Variants in PRKAG2 observed in about 807,000 individuals in gnomAD.
The protein encoded by PRKAG2 is 5'-AMP-activated protein kinase subunit gamma-2.
A neutral mutation model predicts 69.6 loss-of-function variants in PRKAG2; 26 were observed. The observed-to-expected ratio is 0.37, with a 90% CI of 0.27 to 0.52. The LOEUF is 0.52. Among genes scored for constraint, PRKAG2 ranks in the 20% least tolerant of loss-of-function variants. The pLI is 0.90. For synonymous variants in PRKAG2, 293 were observed against 285.0 expected, an observed-to-expected ratio of 1.03 and a Z score of -0.28; for missense variants, 557 against 740.0, an observed-to-expected ratio of 0.75 and a Z score of 2.87.
intron 3 of PRKAG2, among the ~76,000 whole-genome samples, chr7:151,744,997 T>C (rs1197509512): frequency 1.3e-5 from 2 of 152,148 alleles, no homozygotes; most frequent in Non-Finnish European, 2.9e-5. Context: ...AGGTGCTCAG[T>C]GATTTGCCCA....
At chr7:151,675,212 C>T in intron 4 of PRKAG2, 1 of 623,428 alleles carries the variant, frequency 1.6e-6, no homozygotes, top group South Asian at 1.7e-5. Context: ...TGAGCCACCG[C>T]ACCCAGCTAT....
chr7:151,773,092 A>AG (rs1450372781), intron 3 of PRKAG2, among the ~76,000 whole-genome samples: 57 of 36,248 alleles, frequency 1.6e-3, no homozygotes, highest in African/African-American at 7.4e-3. Flanking sequence ...GGAGGGAGGG[A>AG]GGGAAGGGAA....
Position 151,781,253 on chromosome 7 carries a change from C to T in PRKAG2, c.365G>A (p.Ser122Asn), listed in dbSNP as rs771861941. ...GGAGGAGCGGAAGATCCCACTGAAG[C>T]TCATGCGTCGAGGGGAGCGTGGCGG... ...ESPPRSPRRM[S>N]FSGIFRSSSK... The change falls in exon 3 of 16, where the codon AGC becomes AAC. Residue 122 changes from serine to asparagine, a missense_variant. Ser to Asn is a conservative substitution (Grantham distance 46, BLOSUM62 1). This residue lies in a region of PRKAG2 where 352 missense variants were observed against 356.7 expected (regional missense o/e 0.99). Transcript: ENST00000287878. The surrounding 1 kb of genome is among the most constrained non-coding windows in gnomAD (Gnocchi z 6.1). 6.2e-7 allele frequency: 1 copy of T among 1,614,080 alleles called. No homozygotes were observed. Among genetic ancestry groups the T allele is most frequent in the South Asian group, 1.1e-5 (1 of 91,086 alleles).
chr7:151,632,115 TCC>T lies in PRKAG2; in HGVS notation c.706_707del (p.Gly236ThrfsTer36). The T allele has an allele frequency of 7.1e-7, 1 of 1,409,044 alleles. No individual in the cohort carries two copies. Among genetic ancestry groups the T allele is most frequent in the Non-Finnish European group, 9.4e-7 (1 of 1,067,598 alleles). The allele number at this position is 1,409,044 out of a possible 1,614,324, so 87.3% of individuals were successfully genotyped here. Reference protein sequence around the residue: ...SKAAALAAALGPAEAGMLEKL... With the variant: ...SKAAALAAALXPAEAGMLEKL... ...TCTCCAGCATGCCGGCTTCCGCGGG[TCC>T]CAGGGCCGCCGCCAGCGCCGCCTGA... On this transcript the variant is annotated frameshift_variant, in exon 5 of 16. Coordinates refer to ENST00000287878, the MANE Select transcript of PRKAG2 (RefSeq NM_016203.4). LOFTEE classifies it high-confidence loss of function. The surrounding 1 kb of genome is among the most constrained non-coding windows in gnomAD (Gnocchi z 4.2).
chr7:151,632,223 G>A lies in PRKAG2; in HGVS notation c.685-85C>T. On this transcript the variant is annotated intron_variant, in intron 4 of 15. Transcript: ENST00000287878. The surrounding 1 kb of genome is among the most constrained non-coding windows in gnomAD (Gnocchi z 4.2). ...GGGCTCGCGGCCGGCCGAGCGCTGGGGCCTGGCTCTGCCGCGCCGCCGGGA... is the reference window on the plus strand; with the variant it reads ...GGGCTCGCGGCCGGCCGAGCGCTGGAGCCTGGCTCTGCCGCGCCGCCGGGA... 9.0e-7 allele frequency: 1 copy of A among 1,114,024 alleles called. No individual in the cohort carries two copies. Among genetic ancestry groups the A allele is most frequent in the Non-Finnish European group, 1.1e-6 (1 of 912,866 alleles). The allele number at this position is 1,114,024 out of a possible 1,614,324, so 69.0% of individuals were successfully genotyped here.
intron 11 of PRKAG2, 76 bp downstream of exon 11, chr7:151,568,640 G>A (rs1806830639): frequency 6.6e-7 from 1 of 1,526,336 alleles, no homozygotes; most frequent in Non-Finnish European, 9.0e-7. Flanking sequence ...GAGGGTAACA[G>A]GAGCCAATTT....
At chr7:151,747,634 C>T (rs2074375622) in intron 3 of PRKAG2, among the ~76,000 whole-genome samples, 1 of 152,174 alleles carries the variant, frequency 6.6e-6, no homozygotes, top group Non-Finnish European at 1.5e-5. Context: ...AAGATGTATG[C>T]TCTGGTACTC....
In PRKAG2 at chr7:151,870,633, G is replaced by A. The variant is rs565324616; in HGVS notation, c.114+5874C>T. On this transcript the variant is annotated intron_variant, in intron 1 of 15. Transcript: ENST00000287878. ...TGTCACGGTTCGATCCTCCAGCCCC[G>A]GGGCAGGACGGGGCTCCCCTTCCCA... is the stretch of plus-strand genomic sequence containing the variant. 1.2e-4 allele frequency among the ~76,000 whole-genome samples: 18 copies of A among 152,264 alleles called. No individual in the cohort carries two copies. In the East Asian group the frequency reaches 1.9e-3, roughly 16 times the overall value.
intron 3 of PRKAG2, among the ~76,000 whole-genome samples, chr7:151,722,244 C>G (rs1349512906): frequency 6.6e-6 from 1 of 152,130 alleles, no homozygotes; most frequent in Non-Finnish European, 1.5e-5. Context: ...GGGGTTCAGC[C>G]CATTGCAGTC....
At chr7:151,593,013 C>CA (rs1813604639) in intron 6 of PRKAG2, among the ~76,000 whole-genome samples, 3 of 152,200 alleles carry the variant, frequency 2.0e-5, no homozygotes, top group Admixed American at 2.0e-4. Context: ...GGAGATGATG[C>CA]TCACAGCTCC....
Position 151,855,004 on chromosome 7 carries a change from A to ACCACTCTC in PRKAG2, c.114+21502_114+21503insGAGAGTGG, listed in dbSNP as rs1481084929. Among the ~76,000 whole-genome samples, 19 of 13,174 alleles carry ACCACTCTC rather than the reference A, an allele frequency of 1.4e-3. No individual in the cohort carries two copies. The East Asian group carries it at 0.027, about 19-fold the overall frequency. The allele number at this position is 13,174 out of a possible 152,430, so 8.6% of individuals were successfully genotyped here. On this transcript the variant is annotated intron_variant, in intron 1 of 15. Transcript: ENST00000287878. ...CCATGCTCCACACACACCATGCTCC[A>ACCACTCTC]CACACACCACCCTCCACACACACCA...
intron 3 of PRKAG2, among the ~76,000 whole-genome samples, chr7:151,761,516 T>C (rs1563615074): frequency 6.6e-6 from 1 of 150,734 alleles, no homozygotes; most frequent in Non-Finnish European, 1.5e-5. Context: ...AGAGGAGGAG[T>C]CAGTGTCATT....
At chr7:151,731,177 C>A (rs1385187517) in intron 3 of PRKAG2, among the ~76,000 whole-genome samples, 3 of 152,228 alleles carry the variant, frequency 2.0e-5, no homozygotes, top group Non-Finnish European at 4.4e-5. Flanking sequence ...TTGCCACATA[C>A]CCTTTGTCGA....
At chr7:151,576,206 G>A (rs1808890231) in intron 7 of PRKAG2, 165 bp downstream of exon 7, 5 of 737,840 alleles carry the variant, frequency 6.8e-6, no homozygotes. Flanking sequence ...CTCCCAAAGT[G>A]CTGAGATTAC....
intron 9 of PRKAG2, 53 bp downstream of exon 9, chr7:151,572,611 C>T (rs566609358): frequency 6.1e-5 from 81 of 1,320,798 alleles, no homozygotes; most frequent in Non-Finnish European, 8.3e-5. Context: ...ACTTTTCATA[C>T]TAAACATAGC....
intron 3 of PRKAG2, among the ~76,000 whole-genome samples, chr7:151,678,565 G>A (rs1398356144): frequency 2.0e-5 from 3 of 152,160 alleles, no homozygotes; most frequent in Admixed American, 6.5e-5. Flanking sequence ...TGGAAGCCCC[G>A]GGCTGGCACT....
At chr7:151,786,309 G>A (rs571057878) in intron 2 of PRKAG2, among the ~76,000 whole-genome samples, 161 bp downstream of exon 2, 12 of 152,336 alleles carry the variant, frequency 7.9e-5, no homozygotes, top group African/African-American at 2.4e-4. Context: ...TTGGCCATGC[G>A]AGGTGAGCTG....
intron 9 of PRKAG2, among the ~76,000 whole-genome samples, chr7:151,570,857 T>C (rs1276982202): frequency 6.6e-6 from 1 of 152,112 alleles, no homozygotes; most frequent in East Asian, 1.9e-4. Flanking sequence ...AATCTCTGCC[T>C]CCCAGGTACA....
chr7:151,800,853 G>C (rs77590688), intron 1 of PRKAG2, among the ~76,000 whole-genome samples: 2,464 of 152,266 alleles, frequency 0.016, 33 homozygotes, highest in Non-Finnish European at 0.025. Flanking sequence ...TTAACAATAA[G>C]GTATCAACAG....
Sources: gnomAD v4.1 joint callset for allele counts (sites outside exome capture counted in the v4.1 genomes callset) on GRCh38, gnomAD v4.1.1 for gene constraint, gnomAD v4.1.1 regional missense constraint, Gnocchi (gnomAD v3.1) non-coding constraint, MANE v1.5 for transcripts, NCBI Gene and HGNC (gene_info 2026-07-23, HGNC 2026-07-21) for gene names.